CHN1: variants seen among roughly 807,000 people sequenced by gnomAD.
CHN1 encodes N-chimaerin.
In CHN1, 37 loss-of-function variants were observed where a neutral mutation model predicts 59.5. The ratio of observed to expected loss-of-function variants is 0.62; its 90% CI spans 0.48 to 0.82. CHN1 has a LOEUF of 0.82. Among genes scored for constraint, CHN1 ranks in the 40% least tolerant of loss-of-function variants. CHN1 has a pLI of 0.00. For missense variants in CHN1, 469 were observed against 571.0 expected, an observed-to-expected ratio of 0.82 and a Z score of 1.82; for synonymous variants, 206 against 200.4, an observed-to-expected ratio of 1.03 and a Z score of -0.24.
chr2:174,913,480 T>C (rs1688755563), intron 5 of CHN1, among the ~76,000 whole-genome samples: 2 of 152,204 alleles, frequency 1.3e-5, no homozygotes, highest in Non-Finnish European at 1.5e-5. Context: ...AAATCAGTCT[T>C]CTAATTCAAT....
chr2:174,821,458 T>C (rs762486280), intron 8 of CHN1, among the ~76,000 whole-genome samples: 1 of 152,230 alleles, frequency 6.6e-6, no homozygotes, highest in Non-Finnish European at 1.5e-5. Flanking sequence ...TCTAGGGTAC[T>C]TTCCCTGCTG....
chr2:175,003,219 A>G lies in CHN1; in HGVS notation c.19+1675T>C, dbSNP rs373692050. Among the ~76,000 whole-genome samples the G allele has an allele frequency of 5.3e-5, 8 of 152,340 alleles. No homozygotes were observed. In the East Asian group the frequency reaches 1.5e-3, roughly 29 times the overall value. On this transcript the variant is annotated intron_variant, in intron 1 of 12. Transcript: ENST00000409900. ...ACTCAAGAGTGCTTTGTTTTATAAC[A>G]CAGAAACGTTCACACTGTAACAAAC...
At chr2:174,906,769 A>T (rs553055711) in intron 5 of CHN1, among the ~76,000 whole-genome samples, 62 of 152,268 alleles carry the variant, frequency 4.1e-4, no homozygotes, top group Admixed American at 8.5e-4. Context: ...TTGGTCCAGG[A>T]AAAAAATGAG....
At position 174,910,277 on chromosome 2, in the gene CHN1, A is replaced by C. The variant is rs13405659; in HGVS notation, c.260+4781T>G. ...TTTAGCAGGTTAAGTCATTGTGAAA[A>C]AGAAGTATTTTATGTCAAAGGGAAC... On this transcript the variant is annotated intron_variant, in intron 5 of 12. Transcript: ENST00000409900. Among the ~76,000 whole-genome samples, 347 of 152,314 alleles carry C rather than the reference A, an allele frequency of 2.3e-3. 4 individuals are homozygous for C. The highest frequency in any genetic ancestry group is 7.4e-3 in the African/African-American group (309 of 41,578).
intron 1 of CHN1, among the ~76,000 whole-genome samples, chr2:174,990,697 G>A (rs891610480): frequency 1.3e-5 from 2 of 151,978 alleles, no homozygotes; most frequent in African/African-American, 2.4e-5. Context: ...GAACCGACAC[G>A]CCCAGAGAAG....
chr2:174,801,727 G>A lies in CHN1; in HGVS notation c.1188C>T (p.Tyr396=). The A allele has an allele frequency of 6.2e-7, 1 of 1,613,204 alleles. No homozygotes were observed. The highest frequency in any genetic ancestry group is 2.2e-5 in the East Asian group (1 of 44,848). Residue 396 remains tyrosine, a synonymous_variant, in exon 12 of 13, where the codon TAC becomes TAT. Transcript: ENST00000409900. ...CTTGCCTCTTTAGATGTGCCATGAG[G>A]TACCGGAGGGTTTCGCAGTGAGCAG... ...LPPAHCETLR[Y]LMAHLKRVTL...
intron 5 of CHN1, among the ~76,000 whole-genome samples, chr2:174,894,319 C>T (rs949303957): frequency 6.6e-6 from 1 of 152,016 alleles, no homozygotes; most frequent in African/African-American, 2.4e-5. Context: ...GCCAAAGGAA[C>T]AGACATTTCT....
At position 174,882,649 on chromosome 2, in the gene CHN1, A is replaced by G. The variant is rs530120247; in HGVS notation, c.261-4521T>C. 7.2e-5 allele frequency among the ~76,000 whole-genome samples: 11 copies of G among 152,250 alleles called. No homozygotes were observed. In the South Asian group the frequency reaches 1.9e-3, roughly 26 times the overall value. On this transcript the variant is annotated intron_variant, in intron 5 of 12. Coordinates refer to ENST00000409900, the MANE Select transcript of CHN1 (RefSeq NM_001822.7). ...CAAAACATATACAACACACTCGTCT[A>G]AGCTTACAATAAAATGTTAGAAGTA...
In CHN1 at chr2:174,934,962, C is replaced by G. The variant is rs374336865; in HGVS notation, c.114+9926G>C. On this transcript the variant is annotated intron_variant, in intron 3 of 12. Transcript: ENST00000409900. ...GCCTCCTAAACCAGTCTTTTTGTCTCTAAAATATCCATCCTCTTCCCTGCA... is the reference window on the plus strand; with the variant it reads ...GCCTCCTAAACCAGTCTTTTTGTCTGTAAAATATCCATCCTCTTCCCTGCA... Among the ~76,000 whole-genome samples, 8 of 152,308 alleles carry G rather than the reference C, an allele frequency of 5.3e-5. No individual in the cohort carries two copies. The East Asian group carries it at 1.5e-3, about 29-fold the overall frequency.
chr2:174,839,994 G>T (rs1416353216), intron 7 of CHN1, among the ~76,000 whole-genome samples: 2 of 151,902 alleles, frequency 1.3e-5, no homozygotes, highest in African/African-American at 4.8e-5. Context: ...ACTACCCTCT[G>T]TCGAATTTTA....
chr2:174,974,137 A>G (rs1053658154), intron 1 of CHN1, among the ~76,000 whole-genome samples: 1 of 152,202 alleles, frequency 6.6e-6, no homozygotes, highest in Non-Finnish European at 1.5e-5. Context: ...GTTACAGTCC[A>G]ATAGGTTTAC....
chr2:174,881,496 T>C (rs1687736001), intron 5 of CHN1, among the ~76,000 whole-genome samples: 1 of 152,192 alleles, frequency 6.6e-6, no homozygotes, highest in Non-Finnish European at 1.5e-5. Flanking sequence ...CAGATGGCTG[T>C]GAGGATTACA....
chr2:174,927,322 C>G (rs900527336), intron 3 of CHN1, among the ~76,000 whole-genome samples: 3 of 152,044 alleles, frequency 2.0e-5, no homozygotes, highest in Non-Finnish European at 2.9e-5. Flanking sequence ...CCTCCCAAAG[C>G]GTTATGATTA....
intron 7 of CHN1, among the ~76,000 whole-genome samples, chr2:174,833,023 G>T (rs1380032144): frequency 3.3e-5 from 5 of 152,030 alleles, no homozygotes; most frequent in Non-Finnish European, 7.4e-5. Flanking sequence ...TATGACACAT[G>T]GTTATATTTG....
intron 5 of CHN1, among the ~76,000 whole-genome samples, chr2:174,881,828 A>G (rs1687747555): frequency 6.6e-6 from 1 of 152,244 alleles, no homozygotes; most frequent in Non-Finnish European, 1.5e-5. Context: ...GGAAGACAAC[A>G]GAGTGCAAAT....
intron 7 of CHN1, among the ~76,000 whole-genome samples, chr2:174,836,449 A>G (rs1686084737): frequency 6.6e-6 from 1 of 152,202 alleles, no homozygotes; most frequent in Non-Finnish European, 1.5e-5. Context: ...CACATGTAAA[A>G]TAAGATTAAC....
chr2:174,979,739 G>T (rs1035994243), intron 1 of CHN1, among the ~76,000 whole-genome samples: 1 of 152,080 alleles, frequency 6.6e-6, no homozygotes, highest in Non-Finnish European at 1.5e-5. Flanking sequence ...AAATTAGCCA[G>T]GCATGGTGGT....
At position 174,811,390 on chromosome 2, in the gene CHN1, A is replaced by G. The variant is rs902618885; in HGVS notation, c.964+121T>C. On this transcript the variant is annotated intron_variant, in intron 10 of 12. Transcript: ENST00000409900. ...AAGAAATTATAAGCTAAGTTTTTTA[A>G]TTTGGTATAATAATCATCAATGATT... 14 of 598,466 alleles carry G rather than the reference A, an allele frequency of 2.3e-5. No individual in the cohort carries two copies. The Middle Eastern group carries it at 8.9e-4, about 38-fold the overall frequency. The allele number at this position is 598,466 out of a possible 1,614,324, so 37.1% of individuals were successfully genotyped here. A position where few individuals can be genotyped will look rare whatever the true frequency, so the allele number is the denominator to read the frequency against.
chr2:174,840,380 G>C (rs930295701), intron 7 of CHN1, among the ~76,000 whole-genome samples: 1 of 151,830 alleles, frequency 6.6e-6, no homozygotes, highest in Non-Finnish European at 1.5e-5. Context: ...TGCCCAGGCT[G>C]GTCTTAAACT....
Sources: allele counts gnomAD v4.1 joint callset (sites outside exome capture counted in the v4.1 genomes callset), GRCh38; gene constraint gnomAD v4.1.1; transcripts MANE v1.5; gene names NCBI Gene and HGNC (gene_info 2026-07-23, HGNC 2026-07-21).